The following SHANK2 variants were observed in gnomAD, a reference collection of about 807,000 sequenced individuals.
SHANK2 encodes the protein SH3 and multiple ankyrin repeat domains protein 2.
A neutral mutation model predicts 133.7 loss-of-function variants in SHANK2; 43 were observed. The ratio of observed to expected loss-of-function variants is 0.32; its 90% CI spans 0.25 to 0.41. The LOEUF is 0.41. Among genes scored for constraint, SHANK2 ranks in the 10% least tolerant of loss-of-function variants. The probability of loss-of-function intolerance (pLI) is 1.00; values close to 1 mark genes in which losing one functional copy is unlikely to be tolerated. For synonymous variants in SHANK2, 1,017 were observed against 952.8 expected (o/e 1.07, Z -1.24); for missense variants, 1,994 against 2,235.8 (o/e 0.89, Z 2.18).
chr11:71,203,875 G>C (rs979329149), intron 2 of SHANK2, among the ~76,000 whole-genome samples: 10 of 152,228 alleles, frequency 6.6e-5, no homozygotes, highest in Admixed American at 6.5e-4. Context: ...GCAGGGTGCA[G>C]GGGTCTGGAC....
At chr11:70,826,051 G>A (rs1331553350) in intron 11 of SHANK2, among the ~76,000 whole-genome samples, 3 of 152,330 alleles carry the variant, frequency 2.0e-5, no homozygotes, top group East Asian at 1.9e-4. Context: ...GGAGCAGCTC[G>A]GAAGGTAGCC....
At chr11:70,796,809 T>A (rs984031325) in intron 14 of SHANK2, among the ~76,000 whole-genome samples, 1 of 152,206 alleles carries the variant, frequency 6.6e-6, no homozygotes, top group Non-Finnish European at 1.5e-5. Flanking sequence ...AGGCTAAGAC[T>A]AGTGGGATCC....
chr11:70,832,849 G>A (rs1948745473), intron 11 of SHANK2, among the ~76,000 whole-genome samples: 1 of 152,196 alleles, frequency 6.6e-6, no homozygotes, highest in Admixed American at 6.5e-5. Flanking sequence ...TGCCCCACGA[G>A]CAGGTGCAGC....
chr11:70,919,253 T>G (rs1270768856), intron 10 of SHANK2, among the ~76,000 whole-genome samples: 1 of 152,210 alleles, frequency 6.6e-6, no homozygotes, highest in African/African-American at 2.4e-5. Flanking sequence ...CCGCCTCACA[T>G]GCTGACCATC....
chr11:71,181,639 C>A (rs528582354), intron 2 of SHANK2, among the ~76,000 whole-genome samples: 1 of 152,102 alleles, frequency 6.6e-6, no homozygotes, highest in South Asian at 2.1e-4. Flanking sequence ...GCAGAAGCCT[C>A]CAAGCAAGGC....
intron 2 of SHANK2, among the ~76,000 whole-genome samples, chr11:71,176,535 CCAAAGA>C (rs1953449592): frequency 1.3e-5 from 2 of 152,020 alleles, no homozygotes; most frequent in Non-Finnish European, 2.9e-5. Context: ...AATTAAACTT[CCAAAGA>C]TAAAAACTAC....
At chr11:70,797,886 A>G (rs899921570) in intron 14 of SHANK2, among the ~76,000 whole-genome samples, 31 of 150,884 alleles carry the variant, frequency 2.1e-4, no homozygotes, top group Admixed American at 3.3e-4. Context: ...ACCATTTTAT[A>G]TAAGTGGTCT....
Position 70,510,570 on chromosome 11 carries a change from G to A in SHANK2, c.2062-7639C>T, listed in dbSNP as rs2059191647. Among the ~76,000 whole-genome samples, 3 of 152,234 alleles carry A rather than the reference G, an allele frequency of 2.0e-5. No homozygotes were observed. In the South Asian group the frequency reaches 6.2e-4, roughly 31 times the overall value. ...CAAGTTTCTGCCACTGGACCCAGCTGTCTGTGAGGCCTCTGGATACAGATC... is the reference window on the plus strand; with the variant it reads ...CAAGTTTCTGCCACTGGACCCAGCTATCTGTGAGGCCTCTGGATACAGATC... On this transcript the variant is annotated intron_variant, in intron 17 of 25. Coordinates refer to ENST00000601538, the MANE Select transcript of SHANK2 (RefSeq NM_012309.5).
At chr11:70,795,207 T>A (rs1947880389) in intron 14 of SHANK2, among the ~76,000 whole-genome samples, 1 of 152,022 alleles carries the variant, frequency 6.6e-6, no homozygotes, top group South Asian at 2.1e-4. Flanking sequence ...GCCATCTGTG[T>A]TAGGGAGAAA....
rs1367365780 is a variant in SHANK2 at position 71,175,384 on chromosome 11, T to C, written c.-12-28046A>G. Among the ~76,000 whole-genome samples, 2 of 151,832 alleles carry C rather than the reference T, an allele frequency of 1.3e-5. No individual in the cohort carries two copies. The highest frequency in any genetic ancestry group is 2.9e-5 in the Non-Finnish European group (2 of 67,982). ...AACCAAGGCTGCTGCTGGGTGGTCC[T>C]GTGGACACCGAAGCAGGAAAGTGAG... On this transcript the variant is annotated intron_variant, in intron 2 of 25. Coordinates refer to ENST00000601538, the MANE Select transcript of SHANK2 (RefSeq NM_012309.5). The surrounding 1 kb of genome is among the most constrained non-coding windows in gnomAD (Gnocchi z 4.2).
chr11:71,246,252 C>T (rs1310474818), intron 1 of SHANK2, among the ~76,000 whole-genome samples: 2 of 152,120 alleles, frequency 1.3e-5, no homozygotes, highest in Admixed American at 6.5e-5. Flanking sequence ...GGACCCACCC[C>T]AGTGGACCAG....
intron 2 of SHANK2, among the ~76,000 whole-genome samples, chr11:71,181,819 C>T (rs1200380560): frequency 2.0e-5 from 3 of 151,496 alleles, no homozygotes; most frequent in African/African-American, 7.3e-5. Flanking sequence ...TTCAGGTTCC[C>T]AGCCCCCCCT....
chr11:70,785,505 T>C (rs1947629637), intron 14 of SHANK2, among the ~76,000 whole-genome samples: 1 of 152,148 alleles, frequency 6.6e-6, no homozygotes, highest in Non-Finnish European at 1.5e-5. Context: ...CCCGCCAAGC[T>C]CCATCACCCG....
At chr11:70,628,912 C>A (rs920199842) in intron 17 of SHANK2, among the ~76,000 whole-genome samples, 1 of 152,180 alleles carries the variant, frequency 6.6e-6, no homozygotes, top group Non-Finnish European at 1.5e-5. Flanking sequence ...GGCTGCAGCG[C>A]GGCAAGGCAG....
intron 15 of SHANK2, among the ~76,000 whole-genome samples, chr11:70,664,997 T>C (rs1352814400): frequency 6.6e-6 from 1 of 152,140 alleles, no homozygotes; most frequent in African/African-American, 2.4e-5. Context: ...GCAGCACATG[T>C]TCATAACTCC....
chr11:70,774,954 T>C (rs1555043607), intron 14 of SHANK2, among the ~76,000 whole-genome samples: 1 of 151,406 alleles, frequency 6.6e-6, no homozygotes, highest in African/African-American at 2.4e-5. Context: ...AGGCCAAGAG[T>C]GTAAGACCAG....
intron 14 of SHANK2, among the ~76,000 whole-genome samples, chr11:70,753,170 T>A (rs1591814319): frequency 3.0e-5 from 4 of 134,454 alleles, no homozygotes; most frequent in African/African-American, 2.9e-5. Context: ...CCAACAGAAC[T>A]GTTAAAAAAA....
chr11:71,088,972 C>A (rs1285730801), intron 8 of SHANK2, among the ~76,000 whole-genome samples: 1 of 150,584 alleles, frequency 6.6e-6, no homozygotes, highest in Non-Finnish European at 1.5e-5. Flanking sequence ...CCACCAGGGG[C>A]CTCCCCTCAT....
intron 14 of SHANK2, among the ~76,000 whole-genome samples, chr11:70,748,400 G>A (rs554102263): frequency 3.3e-5 from 5 of 152,180 alleles, no homozygotes; most frequent in African/African-American, 9.6e-5. Context: ...AAAAGGGACC[G>A]TCCCCTGCCC....
Sources: allele counts gnomAD v4.1 joint callset (sites outside exome capture counted in the v4.1 genomes callset), GRCh38; gene constraint gnomAD v4.1.1; non-coding constraint Gnocchi (gnomAD v3.1); transcripts MANE v1.5; gene names NCBI Gene and HGNC (gene_info 2026-07-23, HGNC 2026-07-21).